ZNF536: variants seen among roughly 807,000 people sequenced by gnomAD.
The protein encoded by ZNF536 is zinc finger protein 536.
Under a neutral mutation model 84.5 loss-of-function variants are expected in ZNF536, and 13 were observed. The ratio of observed to expected loss-of-function variants is 0.15; its 90% confidence interval spans 0.10 to 0.24. The LOEUF is 0.24. ZNF536 is among the 10% of genes least tolerant of loss of function. The pLI is 1.00. For missense variants in ZNF536, 1,536 were observed against 1,747.5 expected, an observed-to-expected ratio of 0.88 and a Z score of 2.16; for synonymous variants, 811 against 742.5, an observed-to-expected ratio of 1.09 and a Z score of -1.50.
At chr19:30,392,536 G>T (rs1415293490) in intron 1 of ZNF536, among the ~76,000 whole-genome samples, 4 of 152,166 alleles carry the variant, frequency 2.6e-5, no homozygotes, top group Non-Finnish European at 5.9e-5. Context: ...GAATGCCACG[G>T]CCTCCCAACT....
At chr19:30,303,430 T>C (rs2046249752) in intron 2 of ZNF536, among the ~76,000 whole-genome samples, 1 of 152,034 alleles carries the variant, frequency 6.6e-6, no homozygotes, top group Non-Finnish European at 1.5e-5. Context: ...GCTAGGTTCC[T>C]AGCTTCTCTG....
At chr19:30,617,640 A>T (rs533427594) in intron 1 of ZNF536, among the ~76,000 whole-genome samples, 2 of 151,640 alleles carry the variant, frequency 1.3e-5, no homozygotes, top group Admixed American at 1.3e-4. Context: ...ATGAGCCACC[A>T]CACCTGGCCT....
At chr19:30,614,576 G>A (rs2048216155) in intron 1 of ZNF536, among the ~76,000 whole-genome samples, 1 of 151,884 alleles carries the variant, frequency 6.6e-6, no homozygotes, top group Non-Finnish European at 1.5e-5. Context: ...GTTTTTATTT[G>A]CATATCTTTA....
intron 1 of ZNF536, among the ~76,000 whole-genome samples, chr19:30,391,635 C>T (rs1313992277): frequency 6.6e-6 from 1 of 152,140 alleles, no homozygotes; most frequent in African/African-American, 2.4e-5. Context: ...AACTTTATTC[C>T]TGGCGCTTAA....
At chr19:30,644,989 G>A (rs2147376757) in intron 1 of ZNF536, among the ~76,000 whole-genome samples, 1 of 152,252 alleles carries the variant, frequency 6.6e-6, no homozygotes, top group South Asian at 2.1e-4. Flanking sequence ...CACCAACAGT[G>A]TAAAAGTGTT....
intron 2 of ZNF536, among the ~76,000 whole-genome samples, chr19:30,304,332 C>T (rs1652184740): frequency 6.6e-6 from 1 of 152,226 alleles, no homozygotes; most frequent in Non-Finnish European, 1.5e-5. Context: ...GGCTCACACA[C>T]AATCTGATGG....
At chr19:30,507,286 G>T (rs949926875) in intron 2 of ZNF536, among the ~76,000 whole-genome samples, 3 of 151,974 alleles carry the variant, frequency 2.0e-5, no homozygotes, top group African/African-American at 7.3e-5. Flanking sequence ...GGATGGCAGA[G>T]GTTGCAGTGA....
At chr19:30,684,825 C>T (rs1321427919) in intron 1 of ZNF536, among the ~76,000 whole-genome samples, 1 of 152,198 alleles carries the variant, frequency 6.6e-6, no homozygotes, top group Non-Finnish European at 1.5e-5. Flanking sequence ...CGGTCGGGAC[C>T]TGATCCCGGG....
chr19:30,253,744 C>A (rs900516938), intron 1 of ZNF536, among the ~76,000 whole-genome samples: 2 of 151,988 alleles, frequency 1.3e-5, no homozygotes, highest in Non-Finnish European at 2.9e-5. Context: ...GCCGACAGCT[C>A]CAGCCGGGCT....
intron 1 of ZNF536, among the ~76,000 whole-genome samples, chr19:30,229,919 G>C (rs918103638): frequency 6.6e-6 from 1 of 152,290 alleles, no homozygotes; most frequent in East Asian, 1.9e-4. Flanking sequence ...TACATGACAG[G>C]CCCCTGGGCT....
intron 1 of ZNF536, among the ~76,000 whole-genome samples, chr19:30,639,837 G>A (rs1600116395): frequency 6.6e-6 from 1 of 151,676 alleles, no homozygotes; most frequent in East Asian, 1.9e-4. Flanking sequence ...TGTCTCAAGG[G>A]GAAAAGCAAA....
intron 2 of ZNF536, among the ~76,000 whole-genome samples, chr19:30,289,624 G>C (rs746123199): frequency 1.3e-5 from 2 of 152,194 alleles, no homozygotes; most frequent in Non-Finnish European, 2.9e-5. Context: ...GTCTATGCCT[G>C]GATGATTATT....
chr19:30,289,492 C>T (rs2045759631), intron 2 of ZNF536, among the ~76,000 whole-genome samples: 1 of 152,210 alleles, frequency 6.6e-6, no homozygotes, highest in South Asian at 2.1e-4. Flanking sequence ...AGAGGCCGGA[C>T]CACCCCGGGG....
chr19:30,687,957 A>G (rs2051258814), intron 1 of ZNF536, among the ~76,000 whole-genome samples: 1 of 151,918 alleles, frequency 6.6e-6, no homozygotes, highest in South Asian at 2.1e-4. Context: ...ACGTGTAGAG[A>G]AGCTGCAAAT....
chr19:30,700,964 G>T (rs1384318541), intron 1 of ZNF536, among the ~76,000 whole-genome samples: 3 of 152,138 alleles, frequency 2.0e-5, no homozygotes, highest in Non-Finnish European at 4.4e-5. Flanking sequence ...AAGCCTTACA[G>T]CCCTGTGTGT....
intron 1 of ZNF536, among the ~76,000 whole-genome samples, chr19:30,684,396 C>A (rs2051092842): frequency 6.6e-6 from 1 of 152,286 alleles, no homozygotes; most frequent in East Asian, 1.9e-4. Flanking sequence ...CTTGGCCTCC[C>A]AAAGTGCTGG....
At chr19:30,610,064 G>A (rs1179945717) in intron 1 of ZNF536, among the ~76,000 whole-genome samples, 1 of 152,158 alleles carries the variant, frequency 6.6e-6, no homozygotes, top group African/African-American at 2.4e-5. Context: ...CCATGTCACA[G>A]ATATTTATTG....
intron 1 of ZNF536, among the ~76,000 whole-genome samples, chr19:30,616,075 T>A (rs960509850): frequency 1.3e-5 from 2 of 152,256 alleles, no homozygotes; most frequent in Non-Finnish European, 2.9e-5. Flanking sequence ...TAACATCTTT[T>A]TTCAGCAGGT....
chr19:30,466,584 A>AGAGAGAGAGAGAGAG, intron 2 of ZNF536, among the ~76,000 whole-genome samples: 1 of 144,464 alleles, frequency 6.9e-6, no homozygotes, highest in East Asian at 2.1e-4. Flanking sequence ...GAAAGAAAGA[A>AGAGAGAGAGAGAGAG]AGAGAGAGAG....
Sources: gnomAD v4.1 joint callset for allele counts (sites outside exome capture counted in the v4.1 genomes callset) on GRCh38, gnomAD v4.1.1 for gene constraint, MANE v1.5 for transcripts, NCBI Gene and HGNC (gene_info 2026-07-23, HGNC 2026-07-21) for gene names.